ALOXE3: variants seen among roughly 807,000 people sequenced by gnomAD.
The protein encoded by ALOXE3 is arachidonate epidermal lipoxygenase 3.
A neutral mutation model predicts 87.5 loss-of-function variants in ALOXE3; 78 were observed. The ratio of observed to expected loss-of-function variants is 0.89; its 90% CI spans 0.74 to 1.08. The LOEUF (loss-of-function observed/expected upper bound fraction) is 1.08, where lower values mean the gene tolerates loss of function less well. Ranked by LOEUF, ALOXE3 falls within the 50% of genes least tolerant of loss-of-function variation. The probability of loss-of-function intolerance (pLI) is 0.00; values close to 1 mark genes in which losing one functional copy is unlikely to be tolerated. For synonymous variants in ALOXE3, 363 were observed against 370.8 expected (o/e 0.98, Z 0.24); for missense variants, 946 against 912.4 (o/e 1.04, Z -0.47).
At chr17:8,118,344 G>A (rs1200429479) in intron 1 of ALOXE3, 41 bp from the exon 2 acceptor site, 3 of 1,551,664 alleles carry the variant, frequency 1.9e-6, no homozygotes, top group Admixed American at 2.0e-5. Flanking sequence ...GAGAAAAGGA[G>A]GTAACGCCTG....
intron 6 of ALOXE3, among the ~76,000 whole-genome samples, chr17:8,113,663 C>CA (rs1168918361): frequency 6.7e-6 from 1 of 149,312 alleles, no homozygotes; most frequent in African/African-American, 2.6e-5. Flanking sequence ...AAAACAACAA[C>CA]AACAACAACA....
At chr17:8,104,030 A>G in intron 14 of ALOXE3, 85 bp downstream of exon 14, 1 of 1,184,570 alleles carries the variant, frequency 8.4e-7, no homozygotes, top group East Asian at 2.5e-5. Context: ...CCCAACGCTG[A>G]CCCACCCAAG....
intron 15 of ALOXE3, among the ~76,000 whole-genome samples, chr17:8,102,628 C>T (rs150160475): frequency 6.6e-6 from 1 of 152,216 alleles, no homozygotes; most frequent in Non-Finnish European, 1.5e-5. Context: ...CTCGCCTTCG[C>T]TCCTTGGTCC....
intron 13 of ALOXE3, 86 bp from the exon 14 acceptor site, chr17:8,104,301 G>A (rs902550291): frequency 2.6e-5 from 25 of 980,270 alleles, no homozygotes; most frequent in Admixed American, 3.8e-5. Context: ...CACCACAGGG[G>A]GAAAGTGAGG....
rs1215114918 is a variant in ALOXE3 at position 8,118,221 on chromosome 17, C to T, written c.-231G>A. 3 of 1,551,684 alleles carry T rather than the reference C, an allele frequency of 1.9e-6. No individual in the cohort carries two copies. In the South Asian group the frequency reaches 3.6e-5, roughly 18 times the overall value. ...TCCTCTCTCCGCCCACAGTCTTGCA[C>T]TCTAATACTTGTTTGCTTGCCTCTG... On this transcript the variant is annotated 5_prime_UTR_variant, in exon 2 of 16. The change creates a new upstream start codon in the 5' untranslated region. Coordinates refer to ENST00000448843, the MANE Select transcript of ALOXE3 (RefSeq NM_021628.3).
chr17:8,107,238 C>T (rs1366697053), intron 13 of ALOXE3, among the ~76,000 whole-genome samples: 1 of 152,144 alleles, frequency 6.6e-6, no homozygotes, highest in Non-Finnish European at 1.5e-5. Flanking sequence ...ACTCCAAGGC[C>T]GGGTGCGGTG....
chr17:8,105,499 C>G (rs998506134), intron 13 of ALOXE3, among the ~76,000 whole-genome samples: 1 of 152,138 alleles, frequency 6.6e-6, no homozygotes, highest in Non-Finnish European at 1.5e-5. Flanking sequence ...TGTTGATTCT[C>G]TCTTTCTCTC....
In ALOXE3 at chr17:8,114,975, A is replaced by G; in HGVS notation, c.517T>C (p.Leu173=). The G allele has an allele frequency of 6.2e-7, 1 of 1,614,096 alleles. No homozygotes were observed. Among genetic ancestry groups the G allele is most frequent in the Non-Finnish European group, 8.5e-7 (1 of 1,180,014 alleles). Residue 173 remains leucine (L), a synonymous_variant, in exon 5 of 16, where the codon TTG becomes CTG. Transcript: ENST00000448843. The stretch of plus-strand genomic sequence containing the variant: ...TCTACACAAGTTGTCGTCTTTGTCA[A>G]GGCAAATTTCTTGTCTGACTCCATC... ...QEMESDKKFA[L]TKTTTCVDQG... is the part of the protein sequence containing the mutation.
intron 1 of ALOXE3, 60 bp downstream of exon 1, chr17:8,118,426 C>T: frequency 6.4e-7 from 1 of 1,550,794 alleles, no homozygotes; most frequent in Non-Finnish European, 8.7e-7. Flanking sequence ...TCCGCCCACT[C>T]CCCAATGTCC....
Position 8,107,885 on chromosome 17 carries a change from GA to G in ALOXE3, c.1684+582del, listed in dbSNP as rs1340479038. 5.1e-4 allele frequency among the ~76,000 whole-genome samples: 2 copies of G among 3,950 alleles called. 1 individual carries two copies. Among genetic ancestry groups the G allele is most frequent in the South Asian group, 0.011 (2 of 188 alleles). The allele number at this position is 3,950 out of a possible 152,430, so 2.6% of individuals were successfully genotyped here. A position where few individuals can be genotyped will look rare whatever the true frequency, so the allele number is the denominator to read the frequency against. ...AGAAAGAAAGAAAGAAAGAAAGAAA[GA>G]AAGAAAGAAAGAAAGAAAGAAAGAA... On this transcript the variant is annotated intron_variant, in intron 13 of 15. Coordinates refer to ENST00000448843, the MANE Select transcript of ALOXE3 (RefSeq NM_021628.3).
intron 13 of ALOXE3, among the ~76,000 whole-genome samples, chr17:8,105,338 G>A (rs1000593112): frequency 2.1e-5 from 3 of 140,782 alleles, no homozygotes; most frequent in Middle Eastern, 3.4e-3. Flanking sequence ...TTCAGAACTA[G>A]CACCTCTCCT....
chr17:8,103,398 G>A lies in ALOXE3; in HGVS notation c.1881C>T (p.Asp627=). Reference sequence around the variant, plus strand: ...AGCTGATGTTCACTTCAGGGAGGGTGTCTAGGTAAGTCTTCAGGGTGGTGG... The same window carrying A: ...AGCTGATGTTCACTTCAGGGAGGGTATCTAGGTAAGTCTTCAGGGTGGTGG... ...KGTTTLKTYL[D]TLPEVNISCN... Residue 627 remains aspartate (D), a synonymous_variant, in exon 15 of 16, where the codon GAC becomes GAT. Coordinates refer to ENST00000448843, the MANE Select transcript of ALOXE3 (RefSeq NM_021628.3). 1 of 1,614,166 alleles carries A rather than the reference G, an allele frequency of 6.2e-7. No individual in the cohort carries two copies. The highest frequency in any genetic ancestry group is 8.5e-7 in the Non-Finnish European group (1 of 1,180,026).
intron 6 of ALOXE3, among the ~76,000 whole-genome samples, chr17:8,112,722 A>T (rs1362623896): frequency 6.6e-6 from 1 of 152,148 alleles, no homozygotes; most frequent in East Asian, 1.9e-4. Flanking sequence ...GCACGTGGAG[A>T]GATGCATACT....
chr17:8,114,884 G>T, intron 5 of ALOXE3, 54 bp downstream of exon 5: 1 of 1,611,878 alleles, frequency 6.2e-7, no homozygotes. Flanking sequence ...CCATCCTCCC[G>T]ACAGACCTTC....
intron 2 of ALOXE3, 59 bp from the exon 3 acceptor site, chr17:8,117,039 C>G: frequency 6.6e-7 from 1 of 1,521,338 alleles, no homozygotes; most frequent in South Asian, 1.2e-5. Flanking sequence ...GCGGTCCTTG[C>G]GCCTTGCAAG....
intron 3 of ALOXE3, among the ~76,000 whole-genome samples, chr17:8,116,380 C>T (rs1980588471): frequency 1.3e-5 from 2 of 152,160 alleles, no homozygotes; most frequent in Non-Finnish European, 2.9e-5. Context: ...TGGGGCCTCT[C>T]CAGCTAAAAT....
chr17:8,117,841 C>T lies in ALOXE3; in HGVS notation c.147+3G>A, dbSNP rs1397103340. ...CGCGCTTCCCTGTCTCCTTTGTACT[C>T]ACCGATCCAGGGGCGAAGTCCCTGC... On this transcript the variant is annotated splice_donor_region_variant and intron_variant, in intron 2 of 15. Transcript: ENST00000448843. 6.2e-7 allele frequency: 1 copy of T among 1,610,212 alleles called. No homozygotes were observed. The highest frequency in any genetic ancestry group is 8.5e-7 in the Non-Finnish European group (1 of 1,179,220).
intron 4 of ALOXE3, 37 bp downstream of exon 4, chr17:8,115,570 A>G (rs778260417): frequency 6.4e-7 from 1 of 1,561,978 alleles, no homozygotes; most frequent in Non-Finnish European, 8.8e-7. Context: ...AGGTCAGGAT[A>G]AAGATGGGGA....
chr17:8,107,467 A>C (rs1979404901), intron 13 of ALOXE3, among the ~76,000 whole-genome samples: 1 of 152,144 alleles, frequency 6.6e-6, no homozygotes, highest in African/African-American at 2.4e-5. Flanking sequence ...CAGTAAGCCG[A>C]GATTGTGCCT....
Sources: gnomAD v4.1 joint callset for allele counts (sites outside exome capture counted in the v4.1 genomes callset) on GRCh38, gnomAD v4.1.1 for gene constraint, MANE v1.5 for transcripts, NCBI Gene and HGNC (gene_info 2026-07-23, HGNC 2026-07-21) for gene names.